The following NLRP4 variants were observed in gnomAD, a reference collection of about 807,000 sequenced individuals.
NLRP4 encodes the protein NLR family pyrin domain containing 4.
A neutral mutation model predicts 84.7 loss-of-function variants in NLRP4; 44 were observed. The ratio of observed to expected loss-of-function variants is 0.52; its 90% CI spans 0.41 to 0.67. The LOEUF (loss-of-function observed/expected upper bound fraction) is 0.67, where lower values mean the gene tolerates loss of function less well. NLRP4 is among the 30% of genes least tolerant of loss of function. The pLI, the probability that NLRP4 is intolerant of heterozygous loss-of-function variation, is 0.00. For synonymous variants in NLRP4, 544 were observed against 476.4 expected (o/e 1.14, Z -1.85); for missense variants, 1,260 against 1,219.4 (o/e 1.03, Z -0.50).
rs756247466 is a variant in NLRP4, at chr19:55,858,923, G to A, written c.1530G>A (p.Lys510=). ...GCFLTGLLNK[K]EQEKLDAFFG... ...TTCTAACTGGCCTTTTAAATAAAAA[G>A]GAACAAGAAAAACTGGATGCGTTTT... Residue 510 remains lysine (K), a synonymous_variant, in exon 3 of 10, where the codon AAG becomes AAA. Coordinates refer to ENST00000301295, the MANE Select transcript of NLRP4 (RefSeq NM_134444.5). The surrounding 1 kb of genome is among the most constrained non-coding windows in gnomAD (Gnocchi z 4.2). 6.2e-7 allele frequency: 1 copy of A among 1,614,128 alleles called. No homozygotes were observed. Among genetic ancestry groups the A allele is most frequent in the East Asian group, 2.2e-5 (1 of 44,894 alleles).
At position 55,863,477 on chromosome 19, in the gene NLRP4, G is replaced by C. The variant is rs550079495; in HGVS notation, c.2186+1318G>C. ...TACATGGGGGAGCAGGAAGAAGAGA[G>C]AAGAGGGAGGCGCTACACAGTTCCA... On this transcript the variant is annotated intron_variant, in intron 5 of 9. Transcript: ENST00000301295. 2.6e-5 allele frequency among the ~76,000 whole-genome samples: 4 copies of C among 152,248 alleles called. No homozygotes were observed. In the East Asian group the frequency reaches 7.7e-4, roughly 29 times the overall value.
intron 1 of NLRP4, among the ~76,000 whole-genome samples, chr19:55,845,490 T>C (rs1318312966): frequency 2.0e-5 from 3 of 152,056 alleles, no homozygotes; most frequent in Non-Finnish European, 2.9e-5. Context: ...TAAACATACG[T>C]GTGCATGTGT....
At chr19:55,846,422 A>G (rs1480868982) in intron 1 of NLRP4, among the ~76,000 whole-genome samples, 1 of 152,142 alleles carries the variant, frequency 6.6e-6, no homozygotes. Flanking sequence ...CTGTCTCCAC[A>G]TCAAGAAAAG....
At chr19:55,853,757 C>CTT (rs762085956) in intron 2 of NLRP4, among the ~76,000 whole-genome samples, 3 of 150,978 alleles carry the variant, frequency 2.0e-5, no homozygotes, top group Non-Finnish European at 4.4e-5. Context: ...CTTTCTCTTT[C>CTT]TCTTTCTCTC....
At chr19:55,842,567 T>A (rs1983652476) in intron 1 of NLRP4, among the ~76,000 whole-genome samples, 1 of 152,080 alleles carries the variant, frequency 6.6e-6, no homozygotes, top group African/African-American at 2.4e-5. Flanking sequence ...GTGATAAATT[T>A]TAATTCTATT....
rs188564709 is a variant in NLRP4 at position 55,861,470 on chromosome 19, C to G, written c.1941C>G (p.Asp647Glu). 1.2e-6 allele frequency: 2 copies of G among 1,614,196 alleles called. No homozygotes were observed. The highest frequency in any genetic ancestry group is 1.3e-5 in the African/African-American group (1 of 75,068). The stretch of plus-strand genomic sequence containing the variant: ...ACCTCAGAGAGCTCCAGGTGCAGGA[C>G]AGCACCCTCAGCGAGTCGACCTTTG... ...SGHLRELQVQ[D>E]STLSESTFVT... is the part of the protein sequence containing the mutation. Residue 647 changes from aspartate to glutamate, a missense_variant, in exon 4 of 10, where the codon GAC (aspartate) becomes GAG (glutamate). By Grantham distance (45) the Asp-to-Glu change is conservative (BLOSUM62 2). Coordinates refer to ENST00000301295, the MANE Select transcript of NLRP4 (RefSeq NM_134444.5).
intron 1 of NLRP4, among the ~76,000 whole-genome samples, chr19:55,841,546 G>A (rs1983612893): frequency 1.3e-5 from 2 of 152,198 alleles, no homozygotes; most frequent in East Asian, 1.9e-4. Flanking sequence ...CACTTAGTTT[G>A]TTTCTATATC....
At chr19:55,870,702 G>A (rs558553277) in intron 6 of NLRP4, 125 bp from the exon 7 acceptor site, 3 of 669,322 alleles carry the variant, frequency 4.5e-6, no homozygotes, top group Non-Finnish European at 7.7e-6. Context: ...AGATAATCCA[G>A]AACTTCATCT....
intron 1 of NLRP4, among the ~76,000 whole-genome samples, chr19:55,842,652 C>CTGGG (rs1568654503): frequency 1.1e-4 from 17 of 152,092 alleles, no homozygotes; most frequent in South Asian, 2.1e-4. Flanking sequence ...TTTTCACCTG[C>CTGGG]AATAATTTTC....
intron 7 of NLRP4, among the ~76,000 whole-genome samples, chr19:55,872,274 C>G (rs936692724): frequency 6.6e-6 from 1 of 152,038 alleles, no homozygotes; most frequent in Non-Finnish European, 1.5e-5. Flanking sequence ...CTGAAAGAAA[C>G]AAGAGCAAAT....
intron 7 of NLRP4, among the ~76,000 whole-genome samples, chr19:55,873,755 C>A (rs1985272951): frequency 1.3e-5 from 2 of 152,106 alleles, no homozygotes; most frequent in African/African-American, 2.4e-5. Context: ...TCGGTTCATG[C>A]TAATTTTTAA....
rs1227453103 is a variant in NLRP4, at chr19:55,845,777, GTGA to G, written c.-65-6232_-65-6230del. ...TTGATTTGCATTTCTCTGATGGCCA[GTGA>G]TGATGAGCATTTTTTCATGTGTTTT... On this transcript the variant is annotated intron_variant, in intron 1 of 9. Transcript: ENST00000301295. 2.7e-5 allele frequency among the ~76,000 whole-genome samples: 4 copies of G among 150,548 alleles called. No individual in the cohort carries two copies. The South Asian group carries it at 6.3e-4, about 24-fold the overall frequency.
At position 55,867,786 on chromosome 19, in the gene NLRP4, ATCTGAATGTAT is replaced by A; in HGVS notation, c.2265_2275del (p.Asn757GlnfsTer12). The A allele has an allele frequency of 6.2e-7, 1 of 1,614,158 alleles. No individual in the cohort carries two copies. Among genetic ancestry groups the A allele is most frequent in the Non-Finnish European group, 8.5e-7 (1 of 1,179,982 alleles). Reference sequence around the variant, plus strand: ...CTAACCAACAACAAGAAGCTGACGTATCTGAATGTATCCTGCAACCAGTTAGACACAGGCGT... The same window carrying A: ...CTAACCAACAACAAGAAGCTGACGTACCTGCAACCAGTTAGACACAGGCGT... On this transcript the variant is annotated frameshift_variant, in exon 6 of 10. Coordinates refer to ENST00000301295, the MANE Select transcript of NLRP4 (RefSeq NM_134444.5). LOFTEE classifies it high-confidence loss of function.
At chr19:55,859,790 T>TG (rs1255242688) in intron 3 of NLRP4, among the ~76,000 whole-genome samples, 3 of 151,384 alleles carry the variant, frequency 2.0e-5, no homozygotes, top group African/African-American at 7.3e-5. Context: ...TAGCCGGGTG[T>TG]GTAGCGCACA....
intron 5 of NLRP4, among the ~76,000 whole-genome samples, chr19:55,862,678 C>T (rs1403432732): frequency 8.0e-6 from 1 of 125,648 alleles, no homozygotes; most frequent in South Asian, 3.0e-4. Context: ...AAGACTATAG[C>T]GTAAGTCTCC....
In NLRP4 at chr19:55,859,093, A is replaced by C; in HGVS notation, c.1700A>C (p.Lys567Thr). ...LFEMQDPAFV[K>T]QAVNLLQEAN... ...GAAATGCAGGATCCTGCCTTTGTGA[A>C]GCAGGCAGTGAACCTCCTCCAAGAA... The change falls in exon 3 of 10, where the codon AAG becomes ACG. Residue 567 changes from lysine to threonine, a missense_variant. By Grantham distance (78) the Lys-to-Thr change is moderately conservative. Transcript: ENST00000301295. The C allele has an allele frequency of 6.2e-7, 1 of 1,613,964 alleles. No homozygotes were observed. The highest frequency in any genetic ancestry group is 8.5e-7 in the Non-Finnish European group (1 of 1,179,848).
chr19:55,849,984 A>G (rs111672408), intron 1 of NLRP4, among the ~76,000 whole-genome samples: 850 of 75,458 alleles, frequency 0.011, 144 homozygotes, highest in African/African-American at 0.047. Flanking sequence ...GCTGCGGTGT[A>G]ATTTCCGAGA....
intron 8 of NLRP4, 43 bp from the exon 9 acceptor site, chr19:55,878,751 C>A: frequency 6.4e-7 from 1 of 1,561,688 alleles, no homozygotes; most frequent in Non-Finnish European, 8.7e-7. Context: ...TACCTCCACC[C>A]TGAGGCTGGG....
At chr19:55,847,862 C>T (rs1443864882) in intron 1 of NLRP4, among the ~76,000 whole-genome samples, 2 of 152,098 alleles carry the variant, frequency 1.3e-5, no homozygotes, top group Admixed American at 6.6e-5. Context: ...CTACAGACAC[C>T]TGCCACCACG....
Sources: allele counts gnomAD v4.1 joint callset (sites outside exome capture counted in the v4.1 genomes callset), GRCh38; gene constraint gnomAD v4.1.1; non-coding constraint Gnocchi (gnomAD v3.1); transcripts MANE v1.5; gene names NCBI Gene and HGNC (gene_info 2026-07-23, HGNC 2026-07-21).